The following CSMD1 variants were observed in gnomAD, a reference collection of about 807,000 sequenced individuals.
CSMD1 encodes the protein CUB and Sushi multiple domains 1.
In CSMD1, 213 loss-of-function variants were observed where a neutral mutation model predicts 417.5. That is an observed-to-expected ratio of 0.51 (90% CI 0.46 to 0.57). CSMD1 has a LOEUF of 0.57. CSMD1 is among the 20% of genes least tolerant of loss of function. The probability of loss-of-function intolerance (pLI) is 0.00; values close to 1 mark genes in which losing one functional copy is unlikely to be tolerated. For synonymous variants in CSMD1, 2,862 were observed against 1,736.8 expected (o/e 1.65, Z -16.11); for missense variants, 6,923 against 4,529.7 (o/e 1.53, Z -15.17).
chr8:3,594,491 G>C (rs1466651697), intron 8 of CSMD1, among the ~76,000 whole-genome samples: 15 of 152,090 alleles, frequency 9.9e-5, no homozygotes, highest in African/African-American at 3.6e-4. Flanking sequence ...CAAAGCTGAG[G>C]TTTGTTCAGA....
intron 1 of CSMD1, among the ~76,000 whole-genome samples, chr8:4,708,877 T>A (rs1677499293): frequency 1.3e-5 from 2 of 152,272 alleles, no homozygotes; most frequent in East Asian, 3.9e-4. Flanking sequence ...GAAATTAGAA[T>A]TCAAAACACA....
intron 3 of CSMD1, among the ~76,000 whole-genome samples, chr8:4,363,886 G>A (rs187103859): frequency 1.1e-3 from 174 of 152,250 alleles, no homozygotes; most frequent in Non-Finnish European, 2.1e-3. Flanking sequence ...AGTAAAGGAC[G>A]GTTACCAGAG....
chr8:4,680,391 G>A (rs769291169), intron 1 of CSMD1, among the ~76,000 whole-genome samples: 2 of 152,180 alleles, frequency 1.3e-5, no homozygotes, highest in Non-Finnish European at 1.5e-5. Flanking sequence ...CAATACAAGT[G>A]CACTTTCTGG....
intron 3 of CSMD1, among the ~76,000 whole-genome samples, chr8:4,323,461 A>G (rs1235324440): frequency 6.7e-6 from 1 of 148,396 alleles, no homozygotes; most frequent in Non-Finnish European, 1.5e-5. Flanking sequence ...ATTCACAACA[A>G]ACCATACATA....
chr8:4,546,443 C>G (rs1485527263), intron 2 of CSMD1, among the ~76,000 whole-genome samples: 1 of 152,132 alleles, frequency 6.6e-6, no homozygotes, highest in Non-Finnish European at 1.5e-5. Context: ...GAAGAACCAC[C>G]CTTACCATTC....
At chr8:4,277,560 T>C (rs1470844835) in intron 3 of CSMD1, among the ~76,000 whole-genome samples, 1 of 152,144 alleles carries the variant, frequency 6.6e-6, no homozygotes, top group African/African-American at 2.4e-5. Context: ...TAGACATGGA[T>C]AGAGCTGCAT....
intron 3 of CSMD1, among the ~76,000 whole-genome samples, chr8:4,240,596 T>G (rs1354793824): frequency 6.6e-6 from 1 of 152,196 alleles, no homozygotes; most frequent in Non-Finnish European, 1.5e-5. Context: ...CAAAATGAAC[T>G]CCTTTCACAC....
intron 50 of CSMD1, among the ~76,000 whole-genome samples, chr8:3,033,199 CCA>C (rs1319719822): frequency 4.6e-5 from 7 of 152,038 alleles, no homozygotes; most frequent in African/African-American, 1.7e-4. Flanking sequence ...TTTCCTGTGA[CCA>C]CACATTTTCA....
intron 3 of CSMD1, among the ~76,000 whole-genome samples, chr8:4,305,360 T>A (rs1798190373): frequency 6.6e-6 from 1 of 152,088 alleles, no homozygotes; most frequent in African/African-American, 2.4e-5. Context: ...AACTGGAATC[T>A]AAGGGGCTTG....
intron 26 of CSMD1, among the ~76,000 whole-genome samples, chr8:3,236,582 T>C (rs1037515511): frequency 2.3e-4 from 35 of 152,314 alleles, no homozygotes; most frequent in African/African-American, 7.9e-4. Flanking sequence ...TCTAGACTAA[T>C]ACAAACCCCC....
chr8:4,627,328 T>G (rs1802177744), intron 2 of CSMD1, among the ~76,000 whole-genome samples: 1 of 152,128 alleles, frequency 6.6e-6, no homozygotes, highest in South Asian at 2.1e-4. Flanking sequence ...CACATAAAGC[T>G]CATTTAAAAT....
intron 8 of CSMD1, among the ~76,000 whole-genome samples, chr8:3,589,412 G>C (rs80171044): frequency 0.028 from 4,203 of 151,134 alleles, 176 homozygotes; most frequent in African/African-American, 0.097. Flanking sequence ...GTGTTCACGC[G>C]TGTGTGTACA....
intron 3 of CSMD1, among the ~76,000 whole-genome samples, chr8:4,153,607 C>G (rs140553443): frequency 8.5e-5 from 13 of 152,318 alleles, no homozygotes; most frequent in African/African-American, 2.2e-4. Context: ...TGAGATGTCC[C>G]TGCTCTGTTT....
At chr8:3,396,826 T>A (rs1246913071) in intron 16 of CSMD1, among the ~76,000 whole-genome samples, 2 of 152,024 alleles carry the variant, frequency 1.3e-5, no homozygotes, top group Admixed American at 1.3e-4. Flanking sequence ...AGTGAAATCA[T>A]CTCTTAAACA....
intron 26 of CSMD1, among the ~76,000 whole-genome samples, chr8:3,274,177 C>T (rs565656013): frequency 0.011 from 1,716 of 151,580 alleles, 13 homozygotes; most frequent in Non-Finnish European, 0.017. Flanking sequence ...GCCTTCATTT[C>T]GTTATGTACC....
intron 5 of CSMD1, among the ~76,000 whole-genome samples, chr8:3,834,647 T>C (rs1001042216): frequency 6.6e-6 from 1 of 152,158 alleles, no homozygotes; most frequent in East Asian, 1.9e-4. Context: ...TTTAGTAAAT[T>C]ATCAAACCTG....
chr8:3,983,541 G>C (rs1174929158), intron 5 of CSMD1, among the ~76,000 whole-genome samples: 2 of 152,188 alleles, frequency 1.3e-5, no homozygotes, highest in Middle Eastern at 3.2e-3. Flanking sequence ...TGCCATTTCA[G>C]TGCCGTGGAG....
intron 5 of CSMD1, among the ~76,000 whole-genome samples, chr8:3,924,568 T>C (rs1809506232): frequency 6.6e-6 from 1 of 152,216 alleles, no homozygotes; most frequent in Admixed American, 6.5e-5. Flanking sequence ...ATCAGTTTTG[T>C]CCCTGTGACT....
intron 10 of CSMD1, among the ~76,000 whole-genome samples, chr8:3,564,079 T>A (rs1799590649): frequency 6.6e-6 from 1 of 152,214 alleles, no homozygotes. Context: ...ATGTATATGA[T>A]GCATAATGAC....
Sources: gnomAD v4.1 joint callset for allele counts (sites outside exome capture counted in the v4.1 genomes callset) on GRCh38, gnomAD v4.1.1 for gene constraint, MANE v1.5 for transcripts, NCBI Gene and HGNC (gene_info 2026-07-23, HGNC 2026-07-21) for gene names.